MROH1: variants seen among roughly 807,000 people sequenced by gnomAD.
MROH1 encodes maestro heat-like repeat-containing protein family member 1.
Under a neutral mutation model 116.5 loss-of-function variants are expected in MROH1, and 117 were observed. That is an observed-to-expected ratio of 1.00 (90% CI 0.86 to 1.17). The LOEUF (loss-of-function observed/expected upper bound fraction) is 1.17. MROH1 is among the 50% of genes most tolerant of loss of function. The probability of loss-of-function intolerance (pLI) is 0.00; values close to 1 mark genes in which losing one functional copy is unlikely to be tolerated. For synonymous variants in MROH1, 921 were observed against 583.9 expected (o/e 1.58, Z -8.32); for missense variants, 1,873 against 1,338.5 (o/e 1.40, Z -6.23).
chr8:144,221,704 C>T (rs1836778256), intron 13 of MROH1, among the ~76,000 whole-genome samples: 1 of 152,136 alleles, frequency 6.6e-6, no homozygotes, highest in Non-Finnish European at 1.5e-5. Flanking sequence ...TCTTTTGGTC[C>T]TTTTGGACAC....
Position 144,168,511 on chromosome 8 carries a change from G to A in MROH1, c.168+71G>A, listed in dbSNP as rs941203264. On this transcript the variant is annotated intron_variant, in intron 4 of 43. Transcript: ENST00000326134. ...GGTTGGGGCTTACTTGGTTTGGGAA[G>A]AGACAGTCCAGCCAGGAGCAGTGGG... 26 of 1,530,822 alleles carry A rather than the reference G, an allele frequency of 1.7e-5. No homozygotes were observed. In the African/African-American group the frequency reaches 3.0e-4, roughly 18 times the overall value. 94.8% of individuals were successfully genotyped at this position (1,530,822 alleles called of 1,614,324 possible). A position where few individuals can be genotyped will look rare whatever the true frequency, so the allele number is the denominator to read the frequency against.
intron 33 of MROH1, among the ~76,000 whole-genome samples, chr8:144,252,915 C>T (rs1169993519): frequency 1.3e-5 from 2 of 151,978 alleles, no homozygotes; most frequent in Middle Eastern, 6.8e-3. Context: ...ATGATTGGGC[C>T]ATTGCACTCC....
At chr8:144,224,467 T>G (rs569943155) in intron 14 of MROH1, among the ~76,000 whole-genome samples, 134 of 152,176 alleles carry the variant, frequency 8.8e-4, no homozygotes, top group African/African-American at 2.7e-3. Flanking sequence ...GATCACACTA[T>G]GTTGCCCAGG....
intron 14 of MROH1, among the ~76,000 whole-genome samples, chr8:144,234,708 G>A (rs1839732017): frequency 6.8e-6 from 1 of 147,396 alleles, no homozygotes; most frequent in Non-Finnish European, 1.5e-5. Flanking sequence ...GGTAAAAATG[G>A]GGTTTCACCA....
At chr8:144,256,744 T>C (rs2129742241) in intron 35 of MROH1, among the ~76,000 whole-genome samples, 1 of 152,366 alleles carries the variant, frequency 6.6e-6, no homozygotes, top group South Asian at 2.1e-4. Context: ...GCCACATTCT[T>C]AAATGTCCTG....
intron 10 of MROH1, chr8:144,192,685 A>G (rs900947318): frequency 5.7e-5 from 34 of 598,374 alleles, no homozygotes; most frequent in Non-Finnish European, 9.5e-5. Flanking sequence ...GTCCCAGAGA[A>G]AGGTCAGCGC....
intron 12 of MROH1, among the ~76,000 whole-genome samples, chr8:144,202,611 TC>T (rs1831521807): frequency 3.4e-5 from 1 of 29,278 alleles, no homozygotes; most frequent in Admixed American, 4.5e-4. Context: ...AAGCGCAGGC[TC>T]TCTGTGGAGG....
rs1162097232 is a variant in MROH1 at position 144,180,833 on chromosome 8, C to T, written c.562+310C>T. 1.3e-5 allele frequency among the ~76,000 whole-genome samples: 2 copies of T among 152,098 alleles called. No homozygotes were observed. Among genetic ancestry groups the T allele is most frequent in the Non-Finnish European group, 1.5e-5 (1 of 67,996 alleles). On this transcript the variant is annotated intron_variant, in intron 7 of 43. Transcript: ENST00000326134. The surrounding 1 kb of genome is among the most constrained non-coding windows in gnomAD (Gnocchi z 7.4). ...AAGCCATGACTTTTTGTTTTCCTCC[C>T]CACTCCAGGCTAGAAAAGTGTCCGC...
intron 4 of MROH1, among the ~76,000 whole-genome samples, chr8:144,168,693 T>G (rs1034996842): frequency 6.6e-6 from 1 of 152,150 alleles, no homozygotes; most frequent in Non-Finnish European, 1.5e-5. Flanking sequence ...TTGCTGCCCC[T>G]TTTACTCACT....
chr8:144,162,708 T>TTTTC (rs747164261), intron 2 of MROH1, among the ~76,000 whole-genome samples: 1 of 149,214 alleles, frequency 6.7e-6, no homozygotes. Context: ...ATGATGTCTT[T>TTTTC]TTTCTTTCTT....
intron 14 of MROH1, among the ~76,000 whole-genome samples, chr8:144,226,914 A>G (rs1837929102): frequency 6.6e-6 from 1 of 152,178 alleles, no homozygotes; most frequent in Non-Finnish European, 1.5e-5. Context: ...GTACATTTCT[A>G]CACTTATTTA....
At chr8:144,168,867 C>T (rs1157093012) in intron 4 of MROH1, among the ~76,000 whole-genome samples, 1 of 152,234 alleles carries the variant, frequency 6.6e-6, no homozygotes, top group African/African-American at 2.4e-5. Context: ...CGCTGCTGGT[C>T]TTCCTGCACC....
At chr8:144,192,486 T>C in intron 10 of MROH1, 85 bp downstream of exon 10, 1 of 1,221,478 alleles carries the variant, frequency 8.2e-7, no homozygotes, top group Non-Finnish European at 1.2e-6. Context: ...AGAAAGCAAG[T>C]TGGGGTGGAT....
At chr8:144,194,079 T>C (rs1829275711) in intron 10 of MROH1, among the ~76,000 whole-genome samples, 1 of 152,052 alleles carries the variant, frequency 6.6e-6, no homozygotes, top group South Asian at 2.1e-4. Flanking sequence ...TCTTTTCCCC[T>C]GAGATGGAGT....
At chr8:144,156,780 C>CT (rs1188353149) in intron 1 of MROH1, among the ~76,000 whole-genome samples, 23 of 82,416 alleles carry the variant, frequency 2.8e-4, no homozygotes, top group East Asian at 1.8e-3. Context: ...AGTTTAATTT[C>CT]TTTTTTTTTT....
At chr8:144,158,851 C>A (rs933903732) in intron 1 of MROH1, among the ~76,000 whole-genome samples, 6 of 151,932 alleles carry the variant, frequency 3.9e-5, no homozygotes, top group African/African-American at 1.5e-4. Context: ...CTCAAGTGAT[C>A]CTCCTGCCTC....
At chr8:144,187,791 G>C in intron 7 of MROH1, among the ~76,000 whole-genome samples, 1 of 152,260 alleles carries the variant, frequency 6.6e-6, no homozygotes. Flanking sequence ...TACAGGTAGA[G>C]ATTTTTTGTC....
intron 1 of MROH1, among the ~76,000 whole-genome samples, chr8:144,154,483 C>G (rs1319637641): frequency 1.3e-5 from 2 of 152,068 alleles, no homozygotes; most frequent in Non-Finnish European, 2.9e-5. Flanking sequence ...TGTGGGAGAA[C>G]CACGGGCGAC....
intron 11 of MROH1, 148 bp downstream of exon 11, chr8:144,199,348 C>T (rs926760262): frequency 1.5e-5 from 12 of 781,764 alleles, no homozygotes; most frequent in South Asian, 1.3e-4. Context: ...ACCTGTGGCT[C>T]CAGAGGCCTC....
Sources: allele counts gnomAD v4.1 joint callset (sites outside exome capture counted in the v4.1 genomes callset), GRCh38; gene constraint gnomAD v4.1.1; non-coding constraint Gnocchi (gnomAD v3.1); transcripts MANE v1.5; gene names NCBI Gene and HGNC (gene_info 2026-07-23, HGNC 2026-07-21).